The following CTSO variants were observed in gnomAD, a reference collection of about 807,000 sequenced individuals.
The protein encoded by CTSO is cathepsin O.
Under a neutral mutation model 42.4 loss-of-function variants are expected in CTSO, and 40 were observed. The observed-to-expected ratio is 0.94, with a 90% CI of 0.73 to 1.23. The LOEUF (loss-of-function observed/expected upper bound fraction) is 1.23. CTSO is among the 50% of genes most tolerant of loss of function. CTSO has a pLI of 0.00. For missense variants in CTSO, 441 were observed against 396.0 expected (o/e 1.11, Z -0.96); for synonymous variants, 156 against 146.2 (o/e 1.07, Z -0.48).
rs1560784237 is a variant in CTSO, at chr4:155,929,557, C to G, written c.823G>C (p.Gly275Arg). Residue 275 changes from glycine to arginine, a missense_variant, in exon 6 of 8, where the codon GGG (glycine) becomes CGG (arginine). Gly to Arg is a moderately radical substitution (Grantham distance 125). Transcript: ENST00000433477. The part of the protein sequence containing the change: ...GEANHAVLIT[G>R]FDKTGSTPYW... ...CAGCACTTACCTGTTTTATCAAACCCAGTTATGAGAACTGCATGATTTGCT... is the reference window on the plus strand; with the variant it reads ...CAGCACTTACCTGTTTTATCAAACCGAGTTATGAGAACTGCATGATTTGCT... 6.2e-7 allele frequency: 1 copy of G among 1,612,456 alleles called. No individual in the cohort carries two copies. Among genetic ancestry groups the G allele is most frequent in the Non-Finnish European group, 8.5e-7 (1 of 1,179,470 alleles).
Position 155,925,915 on chromosome 4 carries a change from C to G in CTSO, c.*121G>C. Reference sequence around the variant, plus strand: ...GAAACTTAGTTTAAATACTACTAGGCCTTAGAATCTTTTGTAGGTAGTTGC... The same window carrying G: ...GAAACTTAGTTTAAATACTACTAGGGCTTAGAATCTTTTGTAGGTAGTTGC... On this transcript the variant is annotated 3_prime_UTR_variant, in exon 8 of 8. Coordinates refer to ENST00000433477, the MANE Select transcript of CTSO (RefSeq NM_001334.3). 1.2e-6 allele frequency: 1 copy of G among 828,812 alleles called. No homozygotes were observed. The highest frequency in any genetic ancestry group is 2.0e-6 in the Non-Finnish European group (1 of 511,630). 51.3% of individuals were successfully genotyped at this position (828,812 alleles called of 1,614,324 possible).
At chr4:155,936,806 G>C (rs867560038) in intron 5 of CTSO, among the ~76,000 whole-genome samples, 1 of 152,018 alleles carries the variant, frequency 6.6e-6, no homozygotes, top group Non-Finnish European at 1.5e-5. Context: ...TTTATCTTCA[G>C]TAGTATATGC....
intron 5 of CTSO, among the ~76,000 whole-genome samples, chr4:155,930,143 G>A (rs559899133): frequency 2.6e-5 from 4 of 152,280 alleles, no homozygotes; most frequent in African/African-American, 9.6e-5. Flanking sequence ...AGGAAGATGG[G>A]GAATGAGTTC....
chr4:155,953,764 G>T lies in CTSO; in HGVS notation c.84C>A (p.Pro28=). 1 of 1,320,752 alleles carries T rather than the reference G, an allele frequency of 7.6e-7. No individual in the cohort carries two copies. Among genetic ancestry groups the T allele is most frequent in the Non-Finnish European group, 9.7e-7 (1 of 1,033,608 alleles). The allele number at this position is 1,320,752 out of a possible 1,614,324, so 81.8% of individuals were successfully genotyped here. Residue 28 remains proline, a synonymous_variant, in exon 1 of 8, where the codon CCC becomes CCA. Coordinates refer to ENST00000433477, the MANE Select transcript of CTSO (RefSeq NM_001334.3). ...RGGGDADSRA[P]FTPTWPRSRE... ...GGCTCCGCGGCCAGGTCGGGGTGAA[G>T]GGGGCGCGGGAGTCCGCATCGCCGC...
At chr4:155,928,261 G>T in intron 7 of CTSO, 75 bp downstream of exon 7, 1 of 1,097,274 alleles carries the variant, frequency 9.1e-7, no homozygotes, top group Non-Finnish European at 1.3e-6. Context: ...GGTTTGAGTA[G>T]ATTGTAACTC....
chr4:155,953,737 G>A lies in CTSO; in HGVS notation c.111C>T (p.Arg37=). The change falls in exon 1 of 8, where the codon CGC becomes CGT. Residue 37 remains arginine, a synonymous_variant. Coordinates refer to ENST00000433477, the MANE Select transcript of CTSO (RefSeq NM_001334.3). The part of the protein sequence containing the change: ...APFTPTWPRS[R]EREAAAFRES... ...CCCGGAAGGCGGCGGCTTCACGCTCGCGGCTCCGCGGCCAGGTCGGGGTGA... is the reference window on the plus strand; with the variant it reads ...CCCGGAAGGCGGCGGCTTCACGCTCACGGCTCCGCGGCCAGGTCGGGGTGA... 4 of 1,273,242 alleles carry A rather than the reference G, an allele frequency of 3.1e-6. No homozygotes were observed. The highest frequency in any genetic ancestry group is 4.8e-4 in the Middle Eastern group (2 of 4,176). The allele number at this position is 1,273,242 out of a possible 1,614,324, so 78.9% of individuals were successfully genotyped here.
intron 3 of CTSO, among the ~76,000 whole-genome samples, chr4:155,941,703 C>T (rs1488747224): frequency 6.6e-6 from 1 of 152,114 alleles, no homozygotes; most frequent in East Asian, 1.9e-4. Context: ...CTGCTCAATT[C>T]TGCATAGGTG....
At chr4:155,936,938 T>C (rs1391110415) in intron 5 of CTSO, among the ~76,000 whole-genome samples, 3 of 152,192 alleles carry the variant, frequency 2.0e-5, no homozygotes, top group Admixed American at 2.0e-4. Context: ...CTACGTGATA[T>C]TAGCTGCACA....
At chr4:155,946,624 C>T (rs907549177) in intron 1 of CTSO, among the ~76,000 whole-genome samples, 2 of 152,122 alleles carry the variant, frequency 1.3e-5, no homozygotes, top group African/African-American at 4.8e-5. Flanking sequence ...ATTCCATTTG[C>T]TATTCTGGTG....
rs1195549316 is a variant in CTSO, at chr4:155,924,227, T to C, written c.*1809A>G. On this transcript the variant is annotated 3_prime_UTR_variant, in exon 8 of 8. Transcript: ENST00000433477. ...TGAAATTTTAGAAATCCTTTAGCAC[T>C]TGAAAAAGAGTATTACAAATGCATC... 1 of 152,190 alleles carries C rather than the reference T, an allele frequency of 6.6e-6. No homozygotes were observed. Among genetic ancestry groups the C allele is most frequent in the Non-Finnish European group, 1.5e-5 (1 of 68,050 alleles). 9.4% of individuals were successfully genotyped at this position (152,190 alleles called of 1,614,324 possible).
intron 1 of CTSO, among the ~76,000 whole-genome samples, chr4:155,944,887 C>T (rs936535148): frequency 6.7e-6 from 1 of 148,616 alleles, no homozygotes; most frequent in South Asian, 2.1e-4. Flanking sequence ...GTCAGAATTA[C>T]ATTGCAATCA....
chr4:155,926,857 T>A (rs976216438), intron 7 of CTSO, among the ~76,000 whole-genome samples: 1 of 152,158 alleles, frequency 6.6e-6, no homozygotes, highest in African/African-American at 2.4e-5. Flanking sequence ...TGAACCAATA[T>A]TTGAATTATG....
chr4:155,927,801 A>G (rs572910470), intron 7 of CTSO, among the ~76,000 whole-genome samples: 1 of 152,194 alleles, frequency 6.6e-6, no homozygotes, highest in South Asian at 2.1e-4. Flanking sequence ...TCACTCAATA[A>G]AAAAGCATGT....
chr4:155,943,108 A>C, intron 2 of CTSO, 48 bp downstream of exon 2: 2 of 1,073,696 alleles, frequency 1.9e-6, no homozygotes, highest in Non-Finnish European at 2.8e-6. Context: ...AAGTTAAGCA[A>C]GCAAATTAAA....
chr4:155,946,160 C>A (rs1278311716), intron 1 of CTSO, among the ~76,000 whole-genome samples: 2 of 152,134 alleles, frequency 1.3e-5, no homozygotes, highest in Non-Finnish European at 2.9e-5. Flanking sequence ...AAGTTTATCT[C>A]ACTAGATCAT....
Position 155,953,765 on chromosome 4 carries a change from G to C in CTSO, c.83C>G (p.Pro28Arg), listed in dbSNP as rs1336336575. ...RGGGDADSRA[P>R]FTPTWPRSRE... ...GCTCCGCGGCCAGGTCGGGGTGAAG[G>C]GGGCGCGGGAGTCCGCATCGCCGCC... The change falls in exon 1 of 8, where the codon CCC (proline) becomes CGC (arginine). Residue 28 changes from proline (P) to arginine (R), a missense_variant. Transcript: ENST00000433477. The C allele has an allele frequency of 2.3e-6, 3 of 1,321,788 alleles. No homozygotes were observed. The highest frequency in any genetic ancestry group is 6.2e-5 in the East Asian group (2 of 32,358). 81.9% of individuals were successfully genotyped at this position (1,321,788 alleles called of 1,614,324 possible). A position where few individuals can be genotyped will look rare whatever the true frequency, so the allele number is the denominator to read the frequency against.
intron 4 of CTSO, among the ~76,000 whole-genome samples, chr4:155,938,679 C>A (rs1025623339): frequency 6.6e-6 from 1 of 152,032 alleles, no homozygotes. Context: ...GTAATCCCAG[C>A]ACTTTGGGAG....
intron 1 of CTSO, among the ~76,000 whole-genome samples, chr4:155,948,115 G>C (rs1743580668): frequency 2.0e-5 from 3 of 151,988 alleles, no homozygotes; most frequent in Admixed American, 2.0e-4. Flanking sequence ...AGTTACAAAG[G>C]GAGATACCAG....
Position 155,942,308 on chromosome 4 carries a change from T to C in CTSO, c.384+9A>G. The C allele has an allele frequency of 6.4e-7, 1 of 1,554,210 alleles. No individual in the cohort carries two copies. Among genetic ancestry groups the C allele is most frequent in the Non-Finnish European group, 8.7e-7 (1 of 1,153,258 alleles). ...AGATGATTAGAAAAGAAGAGGGATTTCAACGTACCATCTGCTGGTTTCTCA... is the reference window on the plus strand; with the variant it reads ...AGATGATTAGAAAAGAAGAGGGATTCCAACGTACCATCTGCTGGTTTCTCA... On this transcript the variant is annotated intron_variant, in intron 3 of 7. Coordinates refer to ENST00000433477, the MANE Select transcript of CTSO (RefSeq NM_001334.3).
Sources: gnomAD v4.1 joint callset for allele counts (sites outside exome capture counted in the v4.1 genomes callset) on GRCh38, gnomAD v4.1.1 for gene constraint, MANE v1.5 for transcripts, NCBI Gene and HGNC (gene_info 2026-07-23, HGNC 2026-07-21) for gene names.